Variants in DACH2 observed in about 807,000 individuals in gnomAD.
DACH2 encodes the protein dachshund family transcription factor 2, also known as dachshund homolog 2.
A neutral mutation model predicts 35.8 loss-of-function variants in DACH2; 17 were observed. The observed-to-expected ratio is 0.48, with a 90% CI of 0.33 to 0.71. The LOEUF is 0.71. Ranked by LOEUF, DACH2 falls within the 30% of genes least tolerant of loss-of-function variation. The pLI is 0.02. For synonymous variants in DACH2, 195 were observed against 177.3 expected, an observed-to-expected ratio of 1.10 and a Z score of -0.79; for missense variants, 469 against 472.7, an observed-to-expected ratio of 0.99 and a Z score of 0.07.
intron 3 of DACH2, among the ~76,000 whole-genome samples, chrX:86,543,623 C>A (rs2038916284): frequency 9.0e-6 from 1 of 110,501 alleles, no homozygotes; most frequent in Non-Finnish European, 1.9e-5. Context: ...AATGGCCATT[C>A]AAAGAACCAA....
chrX:86,371,213 C>T (rs775733153), intron 1 of DACH2, among the ~76,000 whole-genome samples: 66 of 110,401 alleles, frequency 6.0e-4, no homozygotes, highest in African/African-American at 2.1e-3. Context: ...AACCCTATCT[C>T]CTACAAACAA....
At chrX:86,195,487 G>T (rs1410889547) in intron 1 of DACH2, among the ~76,000 whole-genome samples, 1 of 111,169 alleles carries the variant, frequency 9.0e-6, no homozygotes, top group African/African-American at 3.3e-5. Context: ...AGCAGGGGCT[G>T]CCTGCACCCC....
chrX:86,315,840 C>CAG (rs1166125637), intron 1 of DACH2, among the ~76,000 whole-genome samples: 6 of 77,870 alleles, frequency 7.7e-5, no homozygotes, highest in East Asian at 9.0e-4. Context: ...CACACACACA[C>CAG]AGAGAGAGAG....
chrX:86,697,578 G>A (rs1168977951), intron 5 of DACH2, among the ~76,000 whole-genome samples: 8 of 110,119 alleles, frequency 7.3e-5, no homozygotes, highest in Non-Finnish European at 1.1e-4. Flanking sequence ...ATCAGACTGA[G>A]AACTTAAAAA....
rs1453535060 is a variant in DACH2 at position 86,832,221 on chromosome X, A to G, written c.*66A>G. ...TTCCAGTTTATCTCTGAAACTATTCAACATGGAGTTATTTCAGTTTTGTTT... is the reference window on the plus strand; with the variant it reads ...TTCCAGTTTATCTCTGAAACTATTCGACATGGAGTTATTTCAGTTTTGTTT... On this transcript the variant is annotated 3_prime_UTR_variant, in exon 12 of 12. Coordinates refer to ENST00000373125, the MANE Select transcript of DACH2 (RefSeq NM_053281.3). 3.5e-6 allele frequency: 3 copies of G among 866,006 alleles called. No homozygotes were observed. The highest frequency in any genetic ancestry group is 4.0e-5 in the African/African-American group (2 of 49,750). The allele number at this position is 866,006 out of a possible 1,213,427, so 71.4% of individuals were successfully genotyped here. A position where few individuals can be genotyped will look rare whatever the true frequency, so the allele number is the denominator to read the frequency against.
At chrX:86,805,535 T>C (rs758164742) in intron 7 of DACH2, among the ~76,000 whole-genome samples, 10 of 110,689 alleles carry the variant, frequency 9.0e-5, no homozygotes, top group Non-Finnish European at 1.5e-4. Context: ...TCAGCCCACT[T>C]GAATTCCTCA....
rs1244808603 is a variant in DACH2 at position 86,215,092 on chromosome X, CT to C, written c.488+65993del. ...CTCAGTATACCTGTAATCACATTAA[CT>C]TTTTTTTTCTAATTGGAGGTATTTC... On this transcript the variant is annotated intron_variant, in intron 1 of 11. Transcript: ENST00000373125. 1.9e-4 allele frequency among the ~76,000 whole-genome samples: 21 copies of C among 110,186 alleles called. No individual in the cohort carries two copies. In the East Asian group the frequency reaches 5.1e-3, roughly 27 times the overall value.
At chrX:86,417,399 A>G (rs1453979475) in intron 2 of DACH2, among the ~76,000 whole-genome samples, 1 of 112,156 alleles carries the variant, frequency 8.9e-6, no homozygotes, top group Non-Finnish European at 1.9e-5. Context: ...TTTACAAAAG[A>G]AAGAGATTTA....
At chrX:86,820,353 C>A (rs1178306928) in intron 11 of DACH2, among the ~76,000 whole-genome samples, 1 of 111,580 alleles carries the variant, frequency 9.0e-6, no homozygotes. Flanking sequence ...GTGGTGGCAT[C>A]CTAAATAATT....
At chrX:86,479,198 G>A (rs1044037156) in intron 2 of DACH2, among the ~76,000 whole-genome samples, 2 of 111,226 alleles carry the variant, frequency 1.8e-5, no homozygotes, top group East Asian at 2.8e-4. Context: ...TGTTCCTCTC[G>A]ACATCCAGCC....
intron 3 of DACH2, among the ~76,000 whole-genome samples, chrX:86,531,815 C>G: frequency 8.9e-6 from 1 of 112,178 alleles, no homozygotes; most frequent in Non-Finnish European, 1.9e-5. Context: ...GCTCCACCAA[C>G]AGCTTGCACC....
intron 3 of DACH2, among the ~76,000 whole-genome samples, chrX:86,611,101 A>C (rs1226940557): frequency 3.6e-5 from 4 of 110,455 alleles, no homozygotes; most frequent in Non-Finnish European, 7.6e-5. Context: ...CTGGTTATTC[A>C]GGGCCCAAGG....
chrX:86,250,819 T>C (rs1473453713), intron 1 of DACH2, among the ~76,000 whole-genome samples: 2 of 111,520 alleles, frequency 1.8e-5, no homozygotes, highest in Non-Finnish European at 3.8e-5. Context: ...ATTTATAATA[T>C]TGTTCTTTCT....
chrX:86,212,073 T>C (rs922792620), intron 1 of DACH2, among the ~76,000 whole-genome samples: 2 of 111,518 alleles, frequency 1.8e-5, no homozygotes, highest in African/African-American at 6.5e-5. Context: ...CTGTGGTTCA[T>C]TTGGGGAGTC....
At chrX:86,314,683 A>T (rs2034863806) in intron 1 of DACH2, among the ~76,000 whole-genome samples, 1 of 112,364 alleles carries the variant, frequency 8.9e-6, no homozygotes, top group Non-Finnish European at 1.9e-5. Context: ...CGTATAGATG[A>T]TAAGAAAGCA....
chrX:86,651,190 G>A (rs1006983262), intron 4 of DACH2, 23 bp downstream of exon 4: 19 of 1,198,300 alleles, frequency 1.6e-5, no homozygotes, highest in Non-Finnish European at 1.9e-5. Flanking sequence ...CAGAATCCCA[G>A]ACCAATGACT....
chrX:86,666,870 T>C (rs1237348734), intron 4 of DACH2, among the ~76,000 whole-genome samples: 1 of 110,830 alleles, frequency 9.0e-6, no homozygotes, highest in Non-Finnish European at 1.9e-5. Context: ...TCTTCTAGAA[T>C]TCTAGAATAA....
At chrX:86,216,781 G>C (rs899041524) in intron 1 of DACH2, among the ~76,000 whole-genome samples, 2 of 111,204 alleles carry the variant, frequency 1.8e-5, no homozygotes, top group African/African-American at 6.6e-5. Context: ...CAATTACATA[G>C]CAAGAGTTAT....
intron 3 of DACH2, among the ~76,000 whole-genome samples, chrX:86,597,157 T>C (rs1440236647): frequency 8.9e-6 from 1 of 112,046 alleles, no homozygotes; most frequent in Non-Finnish European, 1.9e-5. Context: ...TTGGGTTTCC[T>C]AGTTCTGCAA....
Sources: gnomAD v4.1 joint callset for allele counts (sites outside exome capture counted in the v4.1 genomes callset) on GRCh38, gnomAD v4.1.1 for gene constraint, MANE v1.5 for transcripts, NCBI Gene and HGNC (gene_info 2026-07-23, HGNC 2026-07-21) for gene names.